Variants in ZRANB3 observed in about 807,000 individuals in gnomAD.
ZRANB3 encodes DNA annealing helicase and endonuclease ZRANB3.
ZRANB3 carries 125 observed loss-of-function variants against 133.8 expected under a neutral mutation model. The observed-to-expected ratio is 0.93, with a 90% confidence interval of 0.81 to 1.08. The LOEUF is 1.08. ZRANB3 is among the 50% of genes least tolerant of loss of function. The pLI is 0.00. For missense variants in ZRANB3, 1,229 were observed against 1,275.5 expected (o/e 0.96, Z 0.56); for synonymous variants, 387 against 432.7 (o/e 0.89, Z 1.31).
chr2:135,452,544 C>A (rs1690321768), intron 2 of ZRANB3, among the ~76,000 whole-genome samples: 1 of 152,142 alleles, frequency 6.6e-6, no homozygotes. Flanking sequence ...TTAGTTACGT[C>A]CTGGATACAA....
Position 135,264,896 on chromosome 2 carries a change from A to G in ZRANB3, c.1539+638T>C, listed in dbSNP as rs113507703. Among the ~76,000 whole-genome samples, 450 of 152,084 alleles carry G rather than the reference A, an allele frequency of 3.0e-3. 3 individuals are homozygous for G. Among genetic ancestry groups the G allele is most frequent in the African/African-American group, 0.01 (419 of 41,498 alleles). On this transcript the variant is annotated intron_variant, in intron 12 of 20. Coordinates refer to ENST00000264159, the MANE Select transcript of ZRANB3 (RefSeq NM_032143.4). ...CTTGAGTAGCTGGGATTACAGGCAG[A>G]CACCAACACACCCAGCTAATTTTTG...
chr2:135,266,755 A>G (rs999239672), intron 11 of ZRANB3, among the ~76,000 whole-genome samples: 1 of 150,638 alleles, frequency 6.6e-6, no homozygotes, highest in African/African-American at 2.4e-5. Context: ...ATAGAGCAAG[A>G]CTCCATCTCT....
chr2:135,483,211 C>A (rs1574177458), intron 2 of ZRANB3, among the ~76,000 whole-genome samples: 1 of 151,990 alleles, frequency 6.6e-6, no homozygotes. Context: ...CCTCCTTGTA[C>A]CTCTGGTAGA....
chr2:135,476,533 A>G (rs529260165), intron 2 of ZRANB3, among the ~76,000 whole-genome samples: 1 of 143,062 alleles, frequency 7.0e-6, no homozygotes, highest in South Asian at 2.1e-4. Context: ...TATACACTTG[A>G]AAATTCCTAT....
At chr2:135,209,658 G>T (rs927046383) in intron 17 of ZRANB3, among the ~76,000 whole-genome samples, 2 of 151,982 alleles carry the variant, frequency 1.3e-5, no homozygotes, top group African/African-American at 4.8e-5. Flanking sequence ...AGGTGATGGG[G>T]GAATTTAAGT....
chr2:135,217,406 CT>C, intron 17 of ZRANB3, 58 bp downstream of exon 17: 3 of 1,474,046 alleles, frequency 2.0e-6, no homozygotes, highest in Non-Finnish European at 2.7e-6. Context: ...TCAGACCCCC[CT>C]GTAGAAAGAA....
At chr2:135,514,235 A>G (rs1205932748) in intron 1 of ZRANB3, among the ~76,000 whole-genome samples, 1 of 152,190 alleles carries the variant, frequency 6.6e-6, no homozygotes, top group Non-Finnish European at 1.5e-5. Context: ...TTTGGGCAAT[A>G]TGGCCACTTT....
chr2:135,496,411 A>C (rs1193215217), intron 2 of ZRANB3, among the ~76,000 whole-genome samples: 3 of 149,978 alleles, frequency 2.0e-5, no homozygotes, highest in South Asian at 4.2e-4. Context: ...AAAAAAAAAA[A>C]ACGAAATCCG....
At chr2:135,455,586 TTTC>T (rs1330206710) in intron 2 of ZRANB3, among the ~76,000 whole-genome samples, 3 of 150,924 alleles carry the variant, frequency 2.0e-5, no homozygotes, top group Admixed American at 1.3e-4. Context: ...TATTGATTTT[TTTC>T]TTTTTTTTTT....
At chr2:135,500,182 C>T (rs142294336) in intron 2 of ZRANB3, among the ~76,000 whole-genome samples, 17 of 151,906 alleles carry the variant, frequency 1.1e-4, no homozygotes, top group African/African-American at 3.4e-4. Flanking sequence ...CACCCAGTTG[C>T]GGTATGCTTT....
chr2:135,209,003 A>T (rs1693994356), intron 17 of ZRANB3, 25 bp from the exon 18 acceptor site: 3 of 1,596,092 alleles, frequency 1.9e-6, no homozygotes, highest in Non-Finnish European at 2.6e-6. Flanking sequence ...TGTTAAATAG[A>T]TTCCCTCTAT....
At chr2:135,340,742 G>A (rs1262406851) in intron 6 of ZRANB3, among the ~76,000 whole-genome samples, 1 of 152,048 alleles carries the variant, frequency 6.6e-6, no homozygotes, top group Non-Finnish European at 1.5e-5. Flanking sequence ...TGTAATCTCA[G>A]CTACTCGGGA....
chr2:135,516,088 G>A (rs1670919207), intron 1 of ZRANB3, among the ~76,000 whole-genome samples: 1 of 151,868 alleles, frequency 6.6e-6, no homozygotes, highest in Non-Finnish European at 1.5e-5. Context: ...CAGACACTAG[G>A]ATTGCAACCC....
intron 12 of ZRANB3, among the ~76,000 whole-genome samples, chr2:135,263,156 C>T (rs1444721009): frequency 6.6e-6 from 1 of 152,078 alleles, no homozygotes; most frequent in African/African-American, 2.4e-5. Context: ...ATGTATTCTT[C>T]CAATGTGTGT....
chr2:135,231,806 A>C (rs1695031803), intron 12 of ZRANB3, among the ~76,000 whole-genome samples: 1 of 151,964 alleles, frequency 6.6e-6, no homozygotes, highest in Admixed American at 6.6e-5. Context: ...CACACACAAA[A>C]AAACGGGGGA....
intron 20 of ZRANB3, among the ~76,000 whole-genome samples, chr2:135,201,955 C>T (rs1204562089): frequency 1.3e-5 from 2 of 151,848 alleles, no homozygotes; most frequent in South Asian, 2.1e-4. Flanking sequence ...CTTGTGACTC[C>T]GTGATTTTTA....
At chr2:135,263,032 TC>T (rs1331111630) in intron 12 of ZRANB3, among the ~76,000 whole-genome samples, 1 of 152,104 alleles carries the variant, frequency 6.6e-6, no homozygotes, top group African/African-American at 2.4e-5. Flanking sequence ...GTACTTCTGA[TC>T]TTTTTATAAA....
intron 8 of ZRANB3, 78 bp downstream of exon 8, chr2:135,313,411 A>C: frequency 1.1e-6 from 1 of 945,734 alleles, no homozygotes; most frequent in Non-Finnish European, 1.6e-6. Context: ...TATATAAATA[A>C]CTTGCTTAAT....
chr2:135,257,124 C>G (rs965984658), intron 12 of ZRANB3, among the ~76,000 whole-genome samples: 2 of 152,152 alleles, frequency 1.3e-5, no homozygotes, highest in African/African-American at 4.8e-5. Flanking sequence ...AAGGAATAAC[C>G]ATAAGCATAC....
Sources: gnomAD v4.1 joint callset for allele counts (sites outside exome capture counted in the v4.1 genomes callset) on GRCh38, gnomAD v4.1.1 for gene constraint, MANE v1.5 for transcripts, NCBI Gene and HGNC (gene_info 2026-07-23, HGNC 2026-07-21) for gene names.